The following SYNE4 variants were observed in gnomAD, a reference collection of about 807,000 sequenced individuals.
SYNE4 encodes spectrin repeat containing nuclear envelope family member 4, also known as nesprin-4.
In SYNE4, 41 loss-of-function variants were observed where a neutral mutation model predicts 46.9. The observed-to-expected ratio is 0.87, with a 90% CI of 0.68 to 1.13. SYNE4 has a LOEUF of 1.13. SYNE4 is among the 50% of genes most tolerant of loss of function. The pLI, the probability that SYNE4 is intolerant of heterozygous loss-of-function variation, is 0.00. For synonymous variants in SYNE4, 221 were observed against 219.5 expected, an observed-to-expected ratio of 1.01 and a Z score of -0.06; for missense variants, 492 against 514.8, an observed-to-expected ratio of 0.96 and a Z score of 0.43.
chr19:36,003,450 C>T lies in SYNE4; in HGVS notation c.1102G>A (p.Val368Met), dbSNP rs141202530. Residue 368 changes from valine (V) to methionine (M), a missense_variant, in exon 8 of 8, where the codon GTG (valine) becomes ATG (methionine). Val to Met is a conservative substitution (Grantham distance 21). Transcript: ENST00000324444. Reference sequence around the variant, plus strand: ...GCGGGCAGGAGAAACATGGCACCCACCAGGAGGAGGAAGAGGAGGAAGAGG... The same window carrying T: ...GCGGGCAGGAGAAACATGGCACCCATCAGGAGGAGGAAGAGGAGGAAGAGG... ...LILFLLFLLL[V>M]GAMFLLPASG... The T allele has an allele frequency of 3.6e-4, 578 of 1,613,040 alleles. 3 individuals carry two copies. In the African/African-American group the frequency reaches 6.5e-3, roughly 18 times the overall value.
intron 3 of SYNE4, 76 bp from the exon 4 acceptor site, chr19:36,007,020 T>C: frequency 1.3e-6 from 2 of 1,539,008 alleles, no homozygotes. Context: ...CCCCATTTCC[T>C]ATCCAAAGGC....
rs1048879649 is a variant in SYNE4 at position 36,006,946 on chromosome 19, T to C, written c.424-2A>G. On this transcript the variant is annotated splice_acceptor_variant, in intron 3 of 7. Transcript: ENST00000324444. LOFTEE classifies it high-confidence loss of function. ...CCCTCGTAGGTCCACCTGGAGGGCC[T>C]GGGGACATATGGACATCACCCCACG... 1.3e-6 allele frequency: 2 copies of C among 1,544,208 alleles called. No individual in the cohort carries two copies. The highest frequency in any genetic ancestry group is 2.7e-5 in the African/African-American group (2 of 73,038).
In SYNE4 at chr19:36,008,727, G is replaced by A. The variant is rs375897996; in HGVS notation, c.-46C>T. 1 of 1,564,506 alleles carries A rather than the reference G, an allele frequency of 6.4e-7. No homozygotes were observed. Among genetic ancestry groups the A allele is most frequent in the African/African-American group, 1.4e-5 (1 of 74,042 alleles). ...AAAGTCAGGTGAGGGCAGCCAGTAAGACCTCTTCCCTAGACAAGGGTGTCC... is the reference window on the plus strand; with the variant it reads ...AAAGTCAGGTGAGGGCAGCCAGTAAAACCTCTTCCCTAGACAAGGGTGTCC... On this transcript the variant is annotated 5_prime_UTR_variant, in exon 1 of 8. Coordinates refer to ENST00000324444, the MANE Select transcript of SYNE4 (RefSeq NM_001039876.3).
In SYNE4 at chr19:36,003,680, G is replaced by A. The variant is rs772774867; in HGVS notation, c.973-9C>T. 5.0e-6 allele frequency: 8 copies of A among 1,611,778 alleles called. 1 individual carries two copies. In the South Asian group the frequency reaches 8.9e-5, roughly 18 times the overall value. The stretch of plus-strand genomic sequence containing the variant: ...GCTTGCCTCTTCTTGTCCTAAGGAG[G>A]GAGAGCAGCCAGCAGCAGAATGGAT... On this transcript the variant is annotated splice_polypyrimidine_tract_variant and intron_variant, in intron 6 of 7. Transcript: ENST00000324444.
Position 36,008,277 on chromosome 19 carries a change from G to A in SYNE4, c.219C>T (p.His73=). The change falls in exon 2 of 8, where the codon CAC becomes CAT. Residue 73 remains histidine (H), a synonymous_variant. Coordinates refer to ENST00000324444, the MANE Select transcript of SYNE4 (RefSeq NM_001039876.3). Reference sequence around the variant, plus strand: ...AAGAGGGTGTTGACCATCTCGGGGGGTGAGCGGCAGGCTCATTGCCCCTTG... The same window carrying A: ...AAGAGGGTGTTGACCATCTCGGGGGATGAGCGGCAGGCTCATTGCCCCTTG... ...GGPRGNEPAA[H]PPRWSTPSSY... The A allele has an allele frequency of 6.2e-7, 1 of 1,602,548 alleles. No homozygotes were observed. Among genetic ancestry groups the A allele is most frequent in the South Asian group, 1.1e-5 (1 of 89,364 alleles).
rs770049348 is a variant in SYNE4, at chr19:36,008,228, T to G, written c.268A>C (p.Lys90Gln). The change falls in exon 2 of 8, where the codon AAA becomes CAA. Residue 90 changes from lysine to glutamine, a missense_variant. Transcript: ENST00000324444. ...TCACCTCAGCTCACCTCACAGTGTT[T>G]GCCCCCAGCTGGGTCCTCGTAGGAA... ...PSSYEDPAGG[K>Q]HCEHPISGLE... 2 of 1,610,666 alleles carry G rather than the reference T, an allele frequency of 1.2e-6. No individual in the cohort carries two copies. Among genetic ancestry groups the G allele is most frequent in the African/African-American group, 1.3e-5 (1 of 74,748 alleles).
rs183696898 is a variant in SYNE4 at position 36,005,798 on chromosome 19, C to T, written c.868-361G>A. On this transcript the variant is annotated intron_variant, in intron 5 of 7. Transcript: ENST00000324444. ...CTTTGGGAGGCCAAGGCAGGCGGATCACCTGAGGTCAGGCGTTCGAGACTA... is the reference window on the plus strand; with the variant it reads ...CTTTGGGAGGCCAAGGCAGGCGGATTACCTGAGGTCAGGCGTTCGAGACTA... 1.3e-3 allele frequency: 247 copies of T among 187,246 alleles called. 1 individual carries two copies. The highest frequency in any genetic ancestry group is 5.3e-3 in the African/African-American group (229 of 43,006). The allele number at this position is 187,246 out of a possible 1,614,324, so 11.6% of individuals were successfully genotyped here.
intron 1 of SYNE4, 26 bp downstream of exon 1, chr19:36,008,528 C>T: frequency 1.9e-6 from 3 of 1,612,926 alleles, no homozygotes; most frequent in Non-Finnish European, 2.5e-6. Context: ...CTTTTGGGAA[C>T]AAGCTTCCAA....
Position 36,006,685 on chromosome 19 carries a change from CAG to C in SYNE4, c.619-16_619-15del. The C allele has an allele frequency of 6.3e-7, 1 of 1,593,710 alleles. No individual in the cohort carries two copies. Among genetic ancestry groups the C allele is most frequent in the Non-Finnish European group, 8.6e-7 (1 of 1,167,864 alleles). On this transcript the variant is annotated splice_polypyrimidine_tract_variant and intron_variant, in intron 4 of 7. Transcript: ENST00000324444. The stretch of plus-strand genomic sequence containing the variant: ...CTCCTCGAACACCTGGGTCAAAGGA[CAG>C]AGGTCATGGAGGCTATGAGGTTGGG...
rs1368078148 is a variant in SYNE4 at position 36,003,518 on chromosome 19, G to C, written c.1034C>G (p.Ala345Gly). ...QDVRLEGNPGAPDPASRQPLT... is the reference protein window; with the variant it reads ...QDVRLEGNPGGPDPASRQPLT... The stretch of plus-strand genomic sequence containing the variant: ...AGGCTGCCTGGATGCAGGATCGGGG[G>C]CCCTGTGAAGGGAAATGCAGTGTTA... Residue 345 changes from alanine (A) to glycine (G), a missense_variant and splice_region_variant, in exon 8 of 8, where the codon GCC (alanine) becomes GGC (glycine). By Grantham distance (60) the Ala-to-Gly change is moderately conservative. Transcript: ENST00000324444. 2 of 1,597,502 alleles carry C rather than the reference G, an allele frequency of 1.3e-6. No individual in the cohort carries two copies. Among genetic ancestry groups the C allele is most frequent in the Admixed American group, 3.5e-5 (2 of 56,940 alleles).
Position 36,005,416 on chromosome 19 carries a change from G to A in SYNE4, c.889C>T (p.Arg297Ter), listed in dbSNP as rs766580479. ...GLEEADTSHS[R>*]QDMLESGLGH... ...AGGCCAGACTCCAGCATGTCCTGTC[G>A]GGAGTGAGAGGTGTCTGCTTCCTGG... The change falls in exon 6 of 8, where the codon CGA (arginine) becomes TGA (stop). Residue 297 changes from arginine to a stop codon, truncating the protein, a stop_gained. Transcript: ENST00000324444. LOFTEE classifies it high-confidence loss of function. 8.7e-6 allele frequency: 14 copies of A among 1,613,826 alleles called. No homozygotes were observed. Among genetic ancestry groups the A allele is most frequent in the Admixed American group, 3.3e-5 (2 of 59,980 alleles).
intron 2 of SYNE4, among the ~76,000 whole-genome samples, chr19:36,007,821 C>T (rs972282344): frequency 1.5e-4 from 23 of 151,512 alleles, no homozygotes; most frequent in African/African-American, 5.3e-4. Context: ...GTCGGGAGTT[C>T]GAGACTAGCC....
At position 36,008,247 on chromosome 19, in the gene SYNE4, G is replaced by T; in HGVS notation, c.249C>A (p.Tyr83Ter). The change falls in exon 2 of 8, where the codon TAC (tyrosine) becomes TAA (stop). Residue 83 changes from tyrosine (Y) to a stop codon, truncating the protein, a stop_gained. Transcript: ENST00000324444. LOFTEE classifies it high-confidence loss of function. ...HPPRWSTPSS[Y>*]EDPAGGKHCE... ...AGTGTTTGCCCCCAGCTGGGTCCTC[G>T]TAGGAAGAGGGTGTTGACCATCTCG... 1 of 1,610,884 alleles carries T rather than the reference G, an allele frequency of 6.2e-7. No homozygotes were observed. The highest frequency in any genetic ancestry group is 8.5e-7 in the Non-Finnish European group (1 of 1,178,396).
chr19:36,006,057 C>A (rs1387567950), intron 5 of SYNE4: 2 of 225,248 alleles, frequency 8.9e-6, no homozygotes, highest in Non-Finnish European at 1.7e-5. Context: ...AGTAAATGTA[C>A]AAAGTCAAGC....
chr19:36,004,696 T>C (rs1233338290), intron 6 of SYNE4, among the ~76,000 whole-genome samples: 2 of 152,028 alleles, frequency 1.3e-5, no homozygotes, highest in African/African-American at 4.8e-5. Context: ...GCCCTGGGAC[T>C]TTGGCAGCTG....
At chr19:36,006,337 T>G (rs1206463515) in intron 5 of SYNE4, 86 bp downstream of exon 5, 1 of 1,481,730 alleles carries the variant, frequency 6.7e-7, no homozygotes, top group African/African-American at 1.4e-5. Context: ...TGACACCTCC[T>G]TGGAAGGGCA....
intron 1 of SYNE4, 61 bp from the exon 2 acceptor site, chr19:36,008,428 AC>A: frequency 6.4e-7 from 1 of 1,572,424 alleles, no homozygotes; most frequent in African/African-American, 1.3e-5. Context: ...GCCTACCGTC[AC>A]CCCAACCCTG....
At chr19:36,008,478 C>T in intron 1 of SYNE4, 76 bp downstream of exon 1, 1 of 1,606,894 alleles carries the variant, frequency 6.2e-7, no homozygotes, top group Non-Finnish European at 8.5e-7. Flanking sequence ...ACAGCCATGG[C>T]ACCTCCTACC....
At position 36,007,165 on chromosome 19, in the gene SYNE4, C is replaced by T; in HGVS notation, c.383G>A (p.Gly128Glu). Residue 128 changes from glycine (G) to glutamate (E), a missense_variant, in exon 3 of 8, where the codon GGG becomes GAG. Physicochemically the swap from Gly to Glu is moderately conservative, Grantham distance 98. Transcript: ENST00000324444. ...RRLQDLEQGLGHWALAQSGMV... is the reference protein window; with the variant it reads ...RRLQDLEQGLEHWALAQSGMV... ...CCCACTCTGGGCCAATGCCCAGTGC[C>T]CCAGGCCTTGCTCCAGGTCCTGCAG... The T allele has an allele frequency of 5.0e-6, 8 of 1,592,974 alleles. No homozygotes were observed. The highest frequency in any genetic ancestry group is 6.8e-6 in the Non-Finnish European group (8 of 1,170,104).
Sources: allele counts gnomAD v4.1 joint callset (sites outside exome capture counted in the v4.1 genomes callset), GRCh38; gene constraint gnomAD v4.1.1; transcripts MANE v1.5; gene names NCBI Gene and HGNC (gene_info 2026-07-23, HGNC 2026-07-21).